The following ASH1L variants were observed in gnomAD, a reference collection of about 807,000 sequenced individuals.
ASH1L encodes histone-lysine N-methyltransferase ASH1L.
In ASH1L, 23 loss-of-function variants were observed where a neutral mutation model predicts 269.0. The observed-to-expected ratio is 0.09, with a 90% CI of 0.06 to 0.12. The LOEUF (loss-of-function observed/expected upper bound fraction) is 0.12, where lower values mean the gene tolerates loss of function less well. ASH1L is among the 10% of genes least tolerant of loss of function. ASH1L has a pLI of 1.00. For synonymous variants in ASH1L, 1,187 were observed against 1,253.5 expected, an observed-to-expected ratio of 0.95 and a Z score of 1.12; for missense variants, 2,912 against 3,567.8, an observed-to-expected ratio of 0.82 and a Z score of 4.68.
Position 155,562,196 on chromosome 1 carries a change from G to A in ASH1L, c.-143C>T, listed in dbSNP as rs1384806653. On this transcript the variant is annotated 5_prime_UTR_variant, in exon 1 of 28. Transcript: ENST00000392403. ...CGAGGCCGAGAGCGATGAGAGTGCAGGGAAGTGGGGAAGAGGGGGTGGCCG... is the reference window on the plus strand; with the variant it reads ...CGAGGCCGAGAGCGATGAGAGTGCAAGGAAGTGGGGAAGAGGGGGTGGCCG... 5 of 1,607,482 alleles carry A rather than the reference G, an allele frequency of 3.1e-6. No individual in the cohort carries two copies. In the African/African-American group the frequency reaches 6.7e-5, roughly 21 times the overall value.
At position 155,414,317 on chromosome 1, in the gene ASH1L, C is replaced by T. The variant is rs546567470; in HGVS notation, c.6008+1427G>A. Among the ~76,000 whole-genome samples, 649 of 148,966 alleles carry T rather than the reference C, an allele frequency of 4.4e-3. 2 individuals are homozygous for T. The highest frequency in any genetic ancestry group is 0.015 in the African/African-American group (625 of 40,738). On this transcript the variant is annotated intron_variant, in intron 6 of 27. Coordinates refer to ENST00000392403, the MANE Select transcript of ASH1L (RefSeq NM_018489.3). ...TAGCAAAATAGCATTAAAAAAATTT[C>T]TTTTTTTTTTGAGATGGAGTTTCGC... is the stretch of plus-strand genomic sequence containing the variant.
intron 2 of ASH1L, among the ~76,000 whole-genome samples, chr1:155,498,398 T>C (rs79272804): frequency 0.02 from 3,003 of 152,198 alleles, 93 homozygotes; most frequent in African/African-American, 0.068. Context: ...CCACCATGCA[T>C]GGCTAGTTTT....
At chr1:155,477,805 A>T (rs1165718597) in intron 3 of ASH1L, 81 bp downstream of exon 3, 3 of 1,342,518 alleles carry the variant, frequency 2.2e-6, no homozygotes, top group African/African-American at 2.9e-5. Flanking sequence ...ATATATTAAA[A>T]GTTCATCTAC....
intron 4 of ASH1L, among the ~76,000 whole-genome samples, chr1:155,450,495 C>T (rs1663383271): frequency 6.6e-6 from 1 of 152,000 alleles, no homozygotes; most frequent in African/African-American, 2.4e-5. Context: ...TCTTTTATTC[C>T]ACTCTGTACT....
intron 12 of ASH1L, among the ~76,000 whole-genome samples, chr1:155,363,821 A>C (rs1558033717): frequency 6.6e-6 from 1 of 151,394 alleles, no homozygotes; most frequent in Non-Finnish European, 1.5e-5. Flanking sequence ...AAAAATATAA[A>C]AATTAGCCGG....
chr1:155,397,808 T>A (rs1427153406), intron 6 of ASH1L, among the ~76,000 whole-genome samples: 36 of 152,162 alleles, frequency 2.4e-4, no homozygotes, highest in Non-Finnish European at 1.5e-5. Flanking sequence ...GTGATCCACT[T>A]GCCTCAGCTC....
At chr1:155,521,880 C>T (rs944711673) in intron 1 of ASH1L, among the ~76,000 whole-genome samples, 1 of 152,130 alleles carries the variant, frequency 6.6e-6, no homozygotes, top group African/African-American at 2.4e-5. Flanking sequence ...CACCAAGAAG[C>T]TTCTGAAACT....
intron 2 of ASH1L, among the ~76,000 whole-genome samples, chr1:155,502,996 T>A (rs553546578): frequency 6.6e-6 from 1 of 152,272 alleles, no homozygotes. Context: ...GAAAGAAAGG[T>A]TACCAAGCTC....
chr1:155,453,657 G>A lies in ASH1L; in HGVS notation c.5086+6140C>T, dbSNP rs557249717. The stretch of plus-strand genomic sequence containing the variant: ...TCTACTAAAAATATAAAAATTAGCT[G>A]GTGTGGTGGTGCACATCTGCAGTCC... On this transcript the variant is annotated intron_variant, in intron 4 of 27. Coordinates refer to ENST00000392403, the MANE Select transcript of ASH1L (RefSeq NM_018489.3). Among the ~76,000 whole-genome samples the A allele has an allele frequency of 5.3e-5, 8 of 152,018 alleles. No individual in the cohort carries two copies. In the East Asian group the frequency reaches 1.6e-3, roughly 30 times the overall value.
At chr1:155,355,699 C>T (rs929658345) in intron 15 of ASH1L, among the ~76,000 whole-genome samples, 4 of 151,938 alleles carry the variant, frequency 2.6e-5, no homozygotes, top group South Asian at 2.1e-4. Context: ...CTGGTTTTTC[C>T]GAAATTTAAA....
intron 10 of ASH1L, among the ~76,000 whole-genome samples, chr1:155,374,181 T>A (rs1224228021): frequency 1.3e-5 from 2 of 151,928 alleles, no homozygotes; most frequent in Non-Finnish European, 2.9e-5. Flanking sequence ...ATACAAAAAT[T>A]AGCCAGGCGT....
intron 10 of ASH1L, among the ~76,000 whole-genome samples, chr1:155,373,611 G>A (rs746102384): frequency 2.0e-5 from 3 of 152,050 alleles, no homozygotes; most frequent in Non-Finnish European, 2.9e-5. Flanking sequence ...GTTTTAATGG[G>A]AGCTGTTTAG....
intron 2 of ASH1L, among the ~76,000 whole-genome samples, chr1:155,498,430 TTTTTG>T (rs1292215269): frequency 6.6e-6 from 1 of 152,036 alleles, no homozygotes; most frequent in Admixed American, 6.6e-5. Flanking sequence ...TTTGTTCATT[TTTTTG>T]TTTTGTTTTG....
At chr1:155,399,990 T>C (rs981860536) in intron 6 of ASH1L, among the ~76,000 whole-genome samples, 3 of 152,150 alleles carry the variant, frequency 2.0e-5, no homozygotes, top group Admixed American at 6.6e-5. Flanking sequence ...ACTTAAATAT[T>C]ATGCAACAGT....
intron 3 of ASH1L, among the ~76,000 whole-genome samples, chr1:155,469,317 G>A (rs980754717): frequency 6.6e-6 from 1 of 152,178 alleles, no homozygotes; most frequent in Middle Eastern, 3.4e-3. Context: ...TGAATAGCTG[G>A]GATTATAGGC....
chr1:155,449,026 C>A (rs140282381), intron 4 of ASH1L, among the ~76,000 whole-genome samples: 2 of 152,118 alleles, frequency 1.3e-5, no homozygotes, highest in Non-Finnish European at 2.9e-5. Flanking sequence ...CTCCACCTCC[C>A]GAGGTCAAGT....
chr1:155,380,710 A>G (rs1656860128), intron 7 of ASH1L, among the ~76,000 whole-genome samples: 2 of 151,230 alleles, frequency 1.3e-5, no homozygotes, highest in South Asian at 4.2e-4. Context: ...GGCTCACTGT[A>G]ACCTCCGCCT....
At chr1:155,388,152 T>C (rs1164548594) in intron 7 of ASH1L, among the ~76,000 whole-genome samples, 1 of 152,140 alleles carries the variant, frequency 6.6e-6, no homozygotes, top group Admixed American at 6.6e-5. Flanking sequence ...CAGGAGGCCA[T>C]GGGGGAGGGC....
chr1:155,509,982 AG>A (rs1668063159), intron 2 of ASH1L, among the ~76,000 whole-genome samples: 1 of 152,224 alleles, frequency 6.6e-6, no homozygotes, highest in Non-Finnish European at 1.5e-5. Context: ...TAAACTTCGA[AG>A]GAAGAAGGTC....
Sources: allele counts gnomAD v4.1 joint callset (sites outside exome capture counted in the v4.1 genomes callset), GRCh38; gene constraint gnomAD v4.1.1; transcripts MANE v1.5; gene names NCBI Gene and HGNC (gene_info 2026-07-23, HGNC 2026-07-21).